VSX2: variants seen among roughly 807,000 people sequenced by gnomAD.
VSX2 encodes the protein visual system homeobox 2, also known as ceh-10 homeo domain containing homolog.
A neutral mutation model predicts 32.1 loss-of-function variants in VSX2; 28 were observed. That is an observed-to-expected ratio of 0.87 (90% CI 0.65 to 1.20). The LOEUF is 1.20. VSX2 is among the 50% of genes most tolerant of loss of function. VSX2 has a pLI of 0.00. For missense variants in VSX2, 506 were observed against 488.7 expected, an observed-to-expected ratio of 1.04 and a Z score of -0.33; for synonymous variants, 243 against 214.1, an observed-to-expected ratio of 1.14 and a Z score of -1.18.
intron 1 of VSX2, 54 bp downstream of exon 1, chr14:74,239,985 C>T (rs1042249893): frequency 1.4e-5 from 21 of 1,536,808 alleles, no homozygotes; most frequent in Non-Finnish European, 1.8e-5. Flanking sequence ...AGCCGGGAGC[C>T]CCGCGCCGTC....
At chr14:74,240,046 C>A in intron 1 of VSX2, 115 bp downstream of exon 1, 1 of 1,377,236 alleles carries the variant, frequency 7.3e-7, no homozygotes, top group Admixed American at 2.3e-5. Flanking sequence ...CCTGCCAGGC[C>A]GGGGGTCGCC....
intron 2 of VSX2, among the ~76,000 whole-genome samples, chr14:74,242,191 G>T (rs2079154823): frequency 6.6e-6 from 1 of 152,094 alleles, no homozygotes; most frequent in Admixed American, 6.6e-5. Context: ...CTGCTCGCAG[G>T]TGCTGCCCCG....
intron 2 of VSX2, among the ~76,000 whole-genome samples, chr14:74,242,413 C>T (rs961851645): frequency 2.6e-5 from 4 of 152,178 alleles, no homozygotes. Context: ...CCCTGGGAAA[C>T]TCCACTGTTG....
chr14:74,248,251 C>T (rs985346074), intron 3 of VSX2, among the ~76,000 whole-genome samples: 2 of 148,804 alleles, frequency 1.3e-5, no homozygotes, highest in East Asian at 2.0e-4. Context: ...TTCTCGGCCA[C>T]GCAGTGGCTC....
intron 3 of VSX2, among the ~76,000 whole-genome samples, chr14:74,248,334 T>TAAAA (rs781035795): frequency 0.011 from 941 of 84,236 alleles, 30 homozygotes; most frequent in East Asian, 0.063. Context: ...GAGACCAGGC[T>TAAAA]AAAAAAAAAA....
At chr14:74,254,358 C>T (rs1029567992) in intron 3 of VSX2, among the ~76,000 whole-genome samples, 7 of 151,974 alleles carry the variant, frequency 4.6e-5, no homozygotes, top group African/African-American at 1.7e-4. Context: ...TCGCAGTGAG[C>T]CAAGATCACG....
At chr14:74,242,078 C>A (rs2079153942) in intron 2 of VSX2, among the ~76,000 whole-genome samples, 1 of 146,644 alleles carries the variant, frequency 6.8e-6, no homozygotes, top group Non-Finnish European at 1.5e-5. Context: ...CATTCCCTTC[C>A]GCACCAGCCG....
chr14:74,247,129 T>G (rs1481984211), intron 3 of VSX2, among the ~76,000 whole-genome samples: 1 of 152,118 alleles, frequency 6.6e-6, no homozygotes, highest in African/African-American at 2.4e-5. Context: ...GAGCACCACA[T>G]GCCTGAATGC....
Position 74,256,206 on chromosome 14 carries a change from G to A in VSX2, c.580-3396G>A, listed in dbSNP as rs147937652. ...AGCACTTTGGGAGGCCAAGGCGGGT[G>A]GATCACCTGAGGTCAGGAGTTCGAG... is the stretch of plus-strand genomic sequence containing the variant. On this transcript the variant is annotated intron_variant, in intron 3 of 4. Coordinates refer to ENST00000261980, the MANE Select transcript of VSX2 (RefSeq NM_182894.3). 2.0e-3 allele frequency among the ~76,000 whole-genome samples: 301 copies of A among 152,276 alleles called. 12 individuals are homozygous for A. The East Asian group carries it at 0.053, about 27-fold the overall frequency.
At chr14:74,247,007 C>A (rs2079196448) in intron 3 of VSX2, among the ~76,000 whole-genome samples, 1 of 152,016 alleles carries the variant, frequency 6.6e-6, no homozygotes, top group African/African-American at 2.4e-5. Context: ...CCAGAACCAG[C>A]AGGAAGGAGC....
At chr14:74,256,845 TG>T (rs1426395719) in intron 3 of VSX2, among the ~76,000 whole-genome samples, 2 of 151,956 alleles carry the variant, frequency 1.3e-5, no homozygotes, top group Non-Finnish European at 2.9e-5. Flanking sequence ...GGCTAATTTT[TG>T]TATCTTTAGT....
intron 3 of VSX2, among the ~76,000 whole-genome samples, chr14:74,249,215 T>G (rs186997848): frequency 6.6e-6 from 1 of 152,244 alleles, no homozygotes; most frequent in East Asian, 1.9e-4. Flanking sequence ...TGGCATTTAT[T>G]AAGTACTCAC....
intron 3 of VSX2, among the ~76,000 whole-genome samples, chr14:74,247,354 G>C (rs2079199355): frequency 6.6e-6 from 1 of 152,214 alleles, no homozygotes; most frequent in East Asian, 1.9e-4. Context: ...GACTGGCTGG[G>C]CTCCTGGCCG....
chr14:74,255,034 C>A (rs183626675), intron 3 of VSX2, among the ~76,000 whole-genome samples: 2 of 152,052 alleles, frequency 1.3e-5, no homozygotes, highest in South Asian at 4.2e-4. Flanking sequence ...CCCACCTCGG[C>A]CTCCCAAAGT....
At chr14:74,253,056 A>T (rs1266887878) in intron 3 of VSX2, among the ~76,000 whole-genome samples, 1 of 151,468 alleles carries the variant, frequency 6.6e-6, no homozygotes, top group African/African-American at 2.4e-5. Context: ...CTCAAAAAAA[A>T]AAAAAAAAAA....
chr14:74,254,890 C>T (rs2079253544), intron 3 of VSX2, among the ~76,000 whole-genome samples: 1 of 151,368 alleles, frequency 6.6e-6, no homozygotes, highest in African/African-American at 2.4e-5. Flanking sequence ...CGCCATTCTC[C>T]TGCCTCAGCC....
intron 3 of VSX2, among the ~76,000 whole-genome samples, chr14:74,254,005 A>G (rs1340510121): frequency 6.6e-6 from 1 of 152,240 alleles, no homozygotes; most frequent in African/African-American, 2.4e-5. Context: ...CAGAGCAGAA[A>G]TCCCCAGTCT....
In VSX2 at chr14:74,261,163, C is replaced by A; in HGVS notation, c.*244C>A. ...CCAGCCTCAGAAGCCTTCTTGCTGC[C>A]CACAACGTCCCCTCAAGCCCCTTCT... On this transcript the variant is annotated 3_prime_UTR_variant, in exon 5 of 5. Transcript: ENST00000261980. 1 of 565,940 alleles carries A rather than the reference C, an allele frequency of 1.8e-6. No homozygotes were observed. The highest frequency in any genetic ancestry group is 3.2e-6 in the Non-Finnish European group (1 of 317,412). 35.1% of individuals were successfully genotyped at this position (565,940 alleles called of 1,614,324 possible).
intron 3 of VSX2, among the ~76,000 whole-genome samples, chr14:74,245,567 G>A (rs1390967365): frequency 6.6e-6 from 1 of 152,104 alleles, no homozygotes; most frequent in Non-Finnish European, 1.5e-5. Flanking sequence ...GGGATGAGAG[G>A]TGGAGTACTG....
Sources: gnomAD v4.1 joint callset for allele counts (sites outside exome capture counted in the v4.1 genomes callset) on GRCh38, gnomAD v4.1.1 for gene constraint, MANE v1.5 for transcripts, NCBI Gene and HGNC (gene_info 2026-07-23, HGNC 2026-07-21) for gene names.